The following DAB1 variants were observed in gnomAD, a reference collection of about 807,000 sequenced individuals.
DAB1 encodes DAB adaptor protein 1, also known as disabled homolog 1.
Under a neutral mutation model 64.6 loss-of-function variants are expected in DAB1, and 15 were observed. The observed-to-expected ratio is 0.23, with a 90% CI of 0.16 to 0.36. The LOEUF (loss-of-function observed/expected upper bound fraction) is 0.36. Ranked by LOEUF, DAB1 falls within the 10% of genes least tolerant of loss-of-function variation. DAB1 has a pLI of 1.00. For synonymous variants in DAB1, 235 were observed against 251.9 expected (o/e 0.93, Z 0.64); for missense variants, 596 against 706.7 (o/e 0.84, Z 1.78).
At chr1:58,003,748 C>G (rs981918166) in intron 5 of DAB1, among the ~76,000 whole-genome samples, 4 of 152,164 alleles carry the variant, frequency 2.6e-5, no homozygotes, top group African/African-American at 7.2e-5. Context: ...TATTGTTGGT[C>G]ATCACTGTCA....
chr1:58,364,379 C>A (rs1644196269), intron 3 of DAB1, among the ~76,000 whole-genome samples: 1 of 152,196 alleles, frequency 6.6e-6, no homozygotes, highest in Non-Finnish European at 1.5e-5. Flanking sequence ...AAGTCCTTCT[C>A]CCTCTTCCAG....
intron 3 of DAB1, among the ~76,000 whole-genome samples, chr1:58,380,391 C>A (rs1417923524): frequency 1.3e-5 from 2 of 152,098 alleles, no homozygotes; most frequent in African/African-American, 4.8e-5. Context: ...TTTCCTAAGG[C>A]CTCCCCAGCC....
intron 3 of DAB1, among the ~76,000 whole-genome samples, chr1:58,469,918 C>A (rs1467667297): frequency 1.3e-5 from 2 of 151,816 alleles, no homozygotes; most frequent in African/African-American, 2.4e-5. Flanking sequence ...TTGTGAAATT[C>A]TTTCAGCTTC....
At chr1:57,712,049 T>A (rs1647034754) in intron 6 of DAB1, among the ~76,000 whole-genome samples, 1 of 152,124 alleles carries the variant, frequency 6.6e-6, no homozygotes, top group African/African-American at 2.4e-5. Flanking sequence ...ACATTTGGAG[T>A]TTTCCCCTGC....
At chr1:58,027,636 G>T (rs1646913464) in intron 5 of DAB1, among the ~76,000 whole-genome samples, 2 of 152,044 alleles carry the variant, frequency 1.3e-5, no homozygotes, top group African/African-American at 4.8e-5. Context: ...TGGGTTGCCT[G>T]CTTTGTTCTT....
chr1:58,216,677 C>A (rs1008361660), intron 4 of DAB1, among the ~76,000 whole-genome samples: 1 of 152,198 alleles, frequency 6.6e-6, no homozygotes, highest in Non-Finnish European at 1.5e-5. Flanking sequence ...TTCTCCACAT[C>A]CTCTCCAGCA....
intron 7 of DAB1, among the ~76,000 whole-genome samples, chr1:57,554,322 T>A (rs186611930): frequency 2.6e-5 from 4 of 152,368 alleles, no homozygotes; most frequent in Non-Finnish European, 4.4e-5. Flanking sequence ...CTGTGTAAGC[T>A]GCGAAAGTCG....
intron 3 of DAB1, among the ~76,000 whole-genome samples, chr1:58,452,203 G>A (rs1234176499): frequency 6.6e-6 from 1 of 151,748 alleles, no homozygotes; most frequent in Non-Finnish European, 1.5e-5. Flanking sequence ...CAAAGTGCTA[G>A]GATTACAGGC....
At chr1:57,284,224 T>A (rs1039569565) in intron 2 of DAB1, among the ~76,000 whole-genome samples, 8 of 152,198 alleles carry the variant, frequency 5.3e-5, no homozygotes, top group South Asian at 4.2e-4. Flanking sequence ...AACACAATAT[T>A]TTTTCAGGGA....
intron 5 of DAB1, among the ~76,000 whole-genome samples, chr1:58,124,576 G>A (rs1652950213): frequency 6.6e-6 from 1 of 152,116 alleles, no homozygotes; most frequent in African/African-American, 2.4e-5. Context: ...TAGGTAATAA[G>A]CTAGATATGA....
At chr1:58,006,822 G>A (rs1394775933) in intron 5 of DAB1, among the ~76,000 whole-genome samples, 2 of 152,160 alleles carry the variant, frequency 1.3e-5, no homozygotes, top group Non-Finnish European at 2.9e-5. Context: ...TGAAACATGT[G>A]GATTCTGAAA....
At chr1:57,790,893 A>T (rs962261044) in intron 6 of DAB1, among the ~76,000 whole-genome samples, 1 of 152,200 alleles carries the variant, frequency 6.6e-6, no homozygotes, top group Non-Finnish European at 1.5e-5. Flanking sequence ...TCACACTCAC[A>T]TGCATGTGTA....
At chr1:57,028,024 T>G (rs1371856351) in intron 9 of DAB1, among the ~76,000 whole-genome samples, 1 of 152,118 alleles carries the variant, frequency 6.6e-6, no homozygotes, top group Non-Finnish European at 1.5e-5. Flanking sequence ...TCTCAGGTAA[T>G]GCAGCAGAAA....
chr1:57,369,810 G>T (rs1326554514), intron 1 of DAB1, among the ~76,000 whole-genome samples: 1 of 152,138 alleles, frequency 6.6e-6, no homozygotes, highest in Non-Finnish European at 1.5e-5. Flanking sequence ...TCAAGAAAGG[G>T]TATATATGAG....
chr1:57,913,628 A>G (rs1359373381), intron 5 of DAB1, among the ~76,000 whole-genome samples: 1 of 152,264 alleles, frequency 6.6e-6, no homozygotes, highest in Non-Finnish European at 1.5e-5. Flanking sequence ...TCTGCACAGC[A>G]AAAGAAACTA....
intron 4 of DAB1, among the ~76,000 whole-genome samples, chr1:58,318,361 T>C (rs1464927554): frequency 1.3e-5 from 2 of 152,172 alleles, no homozygotes; most frequent in African/African-American, 4.8e-5. Flanking sequence ...GTCCAATGAC[T>C]ATGATGAAGC....
chr1:57,143,764 A>T (rs1423697664), intron 3 of DAB1, among the ~76,000 whole-genome samples: 1 of 151,928 alleles, frequency 6.6e-6, no homozygotes, highest in African/African-American at 2.4e-5. Flanking sequence ...GGTGATGCCG[A>T]TTTTATCACA....
chr1:58,502,401 C>A (rs1271351160), intron 3 of DAB1, among the ~76,000 whole-genome samples: 2 of 152,182 alleles, frequency 1.3e-5, no homozygotes, highest in Non-Finnish European at 2.9e-5. Flanking sequence ...GTGAACTCAT[C>A]CATTCTCATT....
intron 4 of DAB1, among the ~76,000 whole-genome samples, chr1:57,133,446 C>T (rs1170583637): frequency 6.6e-6 from 1 of 152,166 alleles, no homozygotes; most frequent in Non-Finnish European, 1.5e-5. Context: ...ATGAAGATGA[C>T]ATAACTCCTT....
Sources: gnomAD v4.1 joint callset for allele counts (sites outside exome capture counted in the v4.1 genomes callset) on GRCh38, gnomAD v4.1.1 for gene constraint, MANE v1.5 for transcripts, NCBI Gene and HGNC (gene_info 2026-07-23, HGNC 2026-07-21) for gene names.